The following ANAPC4 variants were observed in gnomAD, a reference collection of about 807,000 sequenced individuals.
ANAPC4 encodes the protein anaphase promoting complex subunit 4.
Under a neutral mutation model 119.8 loss-of-function variants are expected in ANAPC4, and 63 were observed. The ratio of observed to expected loss-of-function variants is 0.53; its 90% CI spans 0.43 to 0.65. The LOEUF is 0.65. Among genes scored for constraint, ANAPC4 ranks in the 30% least tolerant of loss-of-function variants. ANAPC4 has a pLI of 0.00. For missense variants in ANAPC4, 716 were observed against 945.1 expected, an observed-to-expected ratio of 0.76 and a Z score of 3.18; for synonymous variants, 283 against 318.6, an observed-to-expected ratio of 0.89 and a Z score of 1.19.
In ANAPC4 at chr4:25,416,287, A is replaced by T. The variant is rs776316379; in HGVS notation, c.1902-138A>T. 5 of 469,526 alleles carry T rather than the reference A, an allele frequency of 1.1e-5. No individual in the cohort carries two copies. In the Admixed American group the frequency reaches 1.2e-4, roughly 11 times the overall value. 29.1% of individuals were successfully genotyped at this position (469,526 alleles called of 1,614,324 possible). A position where few individuals can be genotyped will look rare whatever the true frequency, so the allele number is the denominator to read the frequency against. On this transcript the variant is annotated intron_variant, in intron 26 of 28. Coordinates refer to ENST00000315368, the MANE Select transcript of ANAPC4 (RefSeq NM_013367.3). ...TAACTGATTTTAATACAAACCAATG[A>T]TATATTTTAAATGTTATTGTACAGA...
intron 21 of ANAPC4, among the ~76,000 whole-genome samples, chr4:25,412,146 T>C (rs967586549): frequency 6.6e-6 from 1 of 152,166 alleles, no homozygotes; most frequent in African/African-American, 2.4e-5. Context: ...ACCAGTGTGT[T>C]GTAAAGAATA....
chr4:25,385,838 G>A (rs562789864), intron 4 of ANAPC4, among the ~76,000 whole-genome samples: 11 of 152,220 alleles, frequency 7.2e-5, no homozygotes, highest in Admixed American at 2.6e-4. Flanking sequence ...AAGGAATAGG[G>A]AGGCCTGTGC....
At chr4:25,412,378 CT>C (rs1723620134) in intron 21 of ANAPC4, among the ~76,000 whole-genome samples, 1 of 152,086 alleles carries the variant, frequency 6.6e-6, no homozygotes, top group Non-Finnish European at 1.5e-5. Context: ...CTCTCTCTTC[CT>C]TGGAGGCTGG....
At chr4:25,394,542 C>T (rs534187504) in intron 12 of ANAPC4, 129 bp from the exon 13 acceptor site, 164 of 1,099,380 alleles carry the variant, frequency 1.5e-4, no homozygotes, top group African/African-American at 1.9e-4. Flanking sequence ...ATGTTACATG[C>T]GTAGAATTTT....
chr4:25,412,085 A>G lies in ANAPC4; in HGVS notation c.1526-1560A>G, dbSNP rs151191786. Among the ~76,000 whole-genome samples the G allele has an allele frequency of 2.5e-3, 382 of 152,224 alleles. 5 individuals are homozygous for G. Among genetic ancestry groups the G allele is most frequent in the Non-Finnish European group, 6.3e-4 (43 of 68,018 alleles). The stretch of plus-strand genomic sequence containing the variant: ...AACCTTCCTCCCTTTCAGGTTGGAT[A>G]ATTTTGCTAGAATGGCTCACAAAAC... On this transcript the variant is annotated intron_variant, in intron 21 of 28. Coordinates refer to ENST00000315368, the MANE Select transcript of ANAPC4 (RefSeq NM_013367.3).
At chr4:25,377,911 G>A (rs1038293119) in intron 2 of ANAPC4, among the ~76,000 whole-genome samples, 1 of 152,236 alleles carries the variant, frequency 6.6e-6, no homozygotes, top group Non-Finnish European at 1.5e-5. Flanking sequence ...TCATGAGCTA[G>A]ACATAATGGT....
chr4:25,385,014 G>C (rs1721954942), intron 4 of ANAPC4, among the ~76,000 whole-genome samples: 1 of 152,172 alleles, frequency 6.6e-6, no homozygotes, highest in Admixed American at 6.5e-5. Flanking sequence ...AGTGAACCGT[G>C]CTGTAAACAG....
intron 4 of ANAPC4, among the ~76,000 whole-genome samples, chr4:25,385,452 T>C (rs1721979419): frequency 6.6e-6 from 1 of 152,244 alleles, no homozygotes; most frequent in Non-Finnish European, 1.5e-5. Flanking sequence ...CGGCTTTCTC[T>C]CAGCACTTTC....
Position 25,396,841 on chromosome 4 carries a change from C to T in ANAPC4, c.1163-7C>T. Reference sequence around the variant, plus strand: ...ACAAATGACGTTTATTTATTTTTTCCCTTTAGAAGCTATAACTGCTGTGGG... The same window carrying T: ...ACAAATGACGTTTATTTATTTTTTCTCTTTAGAAGCTATAACTGCTGTGGG... On this transcript the variant is annotated splice_polypyrimidine_tract_variant and splice_region_variant and intron_variant, in intron 15 of 28. Coordinates refer to ENST00000315368, the MANE Select transcript of ANAPC4 (RefSeq NM_013367.3). 1 of 1,611,080 alleles carries T rather than the reference C, an allele frequency of 6.2e-7. No individual in the cohort carries two copies.
At chr4:25,403,146 G>A in intron 17 of ANAPC4, 120 bp downstream of exon 17, 1 of 747,328 alleles carries the variant, frequency 1.3e-6, no homozygotes, top group Non-Finnish European at 2.1e-6. Context: ...ACTATATAAT[G>A]ATCCCTGTTG....
intron 4 of ANAPC4, among the ~76,000 whole-genome samples, chr4:25,384,652 C>T (rs891681672): frequency 2.0e-5 from 3 of 152,082 alleles, no homozygotes; most frequent in African/African-American, 7.2e-5. Flanking sequence ...GAAACCCTAT[C>T]TTAAAAATTA....
intron 10 of ANAPC4, among the ~76,000 whole-genome samples, chr4:25,393,314 C>T (rs553048965): frequency 3.4e-4 from 52 of 152,252 alleles, no homozygotes; most frequent in African/African-American, 9.9e-4. Context: ...TGGAATGTTT[C>T]GTAGTTAAGT....
intron 9 of ANAPC4, among the ~76,000 whole-genome samples, chr4:25,391,632 C>T (rs1437130767): frequency 6.6e-6 from 1 of 152,142 alleles, no homozygotes; most frequent in African/African-American, 2.4e-5. Flanking sequence ...TAACTGGGCT[C>T]CCATAGAGTA....
At chr4:25,410,873 C>G (rs1218864682) in intron 21 of ANAPC4, among the ~76,000 whole-genome samples, 4 of 152,126 alleles carry the variant, frequency 2.6e-5, no homozygotes, top group Non-Finnish European at 4.4e-5. Context: ...CCCAAGATAT[C>G]TCATTATGTA....
chr4:25,384,760 A>G (rs1449009689), intron 4 of ANAPC4, among the ~76,000 whole-genome samples: 1 of 151,484 alleles, frequency 6.6e-6, no homozygotes, highest in Non-Finnish European at 1.5e-5. Flanking sequence ...CCGTAACTGG[A>G]CCACTGCACT....
At position 25,393,869 on chromosome 4, in the gene ANAPC4, C is replaced by G. The variant is rs1265674693; in HGVS notation, c.854C>G (p.Ser285Cys). The change falls in exon 11 of 29, where the codon TCT (serine) becomes TGT (cysteine). Residue 285 changes from serine to cysteine, a missense_variant. Ser to Cys is a moderately radical substitution (Grantham distance 112). Around this residue, in one of 3 missense-constraint regions of ANAPC4, gnomAD observed 504 missense variants for 615.8 expected, o/e 0.82. Transcript: ENST00000315368. ...AWEEILMQMDSRLTKFVQEKN... is the reference protein window; with the variant it reads ...AWEEILMQMDCRLTKFVQEKN... The stretch of plus-strand genomic sequence containing the variant: ...GAAGAAATACTAATGCAGATGGATT[C>G]TCGTCTCACCAAGTTTGTGCAGGTA... The G allele has an allele frequency of 1.2e-6, 2 of 1,610,176 alleles. No homozygotes were observed. Among genetic ancestry groups the G allele is most frequent in the African/African-American group, 2.7e-5 (2 of 74,790 alleles).
At chr4:25,381,299 T>C (rs954450299) in intron 3 of ANAPC4, among the ~76,000 whole-genome samples, 22 of 152,142 alleles carry the variant, frequency 1.4e-4, no homozygotes, top group South Asian at 1.2e-3. Flanking sequence ...CTTTTTCTTT[T>C]CCCCCCCAGA....
chr4:25,391,112 T>A, intron 9 of ANAPC4, 97 bp downstream of exon 9: 1 of 876,614 alleles, frequency 1.1e-6, no homozygotes, highest in Non-Finnish European at 1.7e-6. Flanking sequence ...TAATGATCAT[T>A]AAAATAATGC....
Position 25,417,685 on chromosome 4 carries a change from A to G in ANAPC4, c.2145A>G (p.Glu715=). 1 of 1,613,770 alleles carries G rather than the reference A, an allele frequency of 6.2e-7. No homozygotes were observed. Among genetic ancestry groups the G allele is most frequent in the South Asian group, 1.1e-5 (1 of 91,058 alleles). The change falls in exon 28 of 29, where the codon GAA becomes GAG. Residue 715 remains glutamate (E), a synonymous_variant. Transcript: ENST00000315368. ...TTGAGAAGCACTGGAGATTACTGGA[A>G]AGTATGAAAGCACAGTATGTTGCTG... ...MHFEKHWRLL[E]SMKAQYVAGN...
Sources: gnomAD v4.1 joint callset for allele counts (sites outside exome capture counted in the v4.1 genomes callset) on GRCh38, gnomAD v4.1.1 for gene constraint, gnomAD v4.1.1 regional missense constraint, MANE v1.5 for transcripts, NCBI Gene and HGNC (gene_info 2026-07-23, HGNC 2026-07-21) for gene names.